Variants in SH3TC1 observed in about 807,000 individuals in gnomAD.
SH3TC1 encodes SH3 domain and tetratricopeptide repeats 1.
A neutral mutation model predicts 117.3 loss-of-function variants in SH3TC1; 135 were observed. The observed-to-expected ratio is 1.15, with a 90% confidence interval of 1.00 to 1.33. The LOEUF (loss-of-function observed/expected upper bound fraction) is 1.33. SH3TC1 is among the 40% of genes most tolerant of loss of function. SH3TC1 has a pLI of 0.00. For synonymous variants in SH3TC1, 898 were observed against 816.9 expected (o/e 1.10, Z -1.69); for missense variants, 2,092 against 1,794.3 (o/e 1.17, Z -3.00).
intron 15 of SH3TC1, chr4:8,235,851 A>T: frequency 2.6e-6 from 1 of 384,212 alleles, no homozygotes; most frequent in Non-Finnish European, 4.7e-6. Flanking sequence ...AGAGAGGCAC[A>T]GGGACACGTC....
intron 1 of SH3TC1, among the ~76,000 whole-genome samples, chr4:8,188,894 G>T (rs1194028818): frequency 6.6e-6 from 1 of 152,226 alleles, no homozygotes; most frequent in African/African-American, 2.4e-5. Context: ...GGTGTCCCAG[G>T]GGGAGGTGCA....
At chr4:8,201,851 G>C (rs1717862538) in intron 1 of SH3TC1, 1 of 152,414 alleles carries the variant, frequency 6.6e-6, no homozygotes, top group Admixed American at 6.5e-5. Flanking sequence ...GAGGTGGTGG[G>C]CTGGGAGGCA....
At chr4:8,237,354 GACTGGCCAGA>G (rs1211524044) in intron 16 of SH3TC1, 110 bp from the exon 17 acceptor site, 1 of 760,748 alleles carries the variant, frequency 1.3e-6, no homozygotes, top group Non-Finnish European at 2.0e-6. Context: ...GCTGGGAAGG[GACTGGCCAGA>G]ACTGCCCAGG....
At chr4:8,228,762 G>A in intron 12 of SH3TC1, 118 bp downstream of exon 12, 1 of 885,322 alleles carries the variant, frequency 1.1e-6, no homozygotes, top group South Asian at 1.9e-5. Flanking sequence ...CTGAGTCATG[G>A]CAAACAGCAG....
At chr4:8,224,282 A>G (rs1382365457) in intron 10 of SH3TC1, among the ~76,000 whole-genome samples, 1 of 152,196 alleles carries the variant, frequency 6.6e-6, no homozygotes, top group Non-Finnish European at 1.5e-5. Context: ...TCCCACCAGT[A>G]TTAGAGTTAA....
At chr4:8,219,641 C>T (rs1038490474) in intron 9 of SH3TC1, 111 bp downstream of exon 9, 10 of 1,188,188 alleles carry the variant, frequency 8.4e-6, no homozygotes, top group African/African-American at 4.7e-5. Flanking sequence ...TCACTGTGGA[C>T]GATGCCTAGT....
Position 8,227,279 on chromosome 4 carries a change from G to C in SH3TC1, c.1585G>C (p.Val529Leu). The change falls in exon 12 of 18, where the codon GTG becomes CTG. Residue 529 changes from valine to leucine, a missense_variant. Val to Leu is a conservative substitution (Grantham distance 32). Coordinates refer to ENST00000245105, the MANE Select transcript of SH3TC1 (RefSeq NM_018986.5). ...TGTGGCGCTGCCGTGGCTGAGCAGC[G>C]TGTTCCGCAGCTTCAGCGACGAGGA... The part of the protein sequence containing the change: ...YDVALPWLSS[V>L]FRSFSDEEEL... 12 of 1,606,134 alleles carry C rather than the reference G, an allele frequency of 7.5e-6. No individual in the cohort carries two copies. The highest frequency in any genetic ancestry group is 8.5e-6 in the Non-Finnish European group (10 of 1,176,850).
chr4:8,240,050 A>G (rs1421489985), intron 17 of SH3TC1, among the ~76,000 whole-genome samples: 1 of 152,086 alleles, frequency 6.6e-6, no homozygotes, highest in Admixed American at 6.5e-5. Context: ...TGGGTCTTAG[A>G]GAGGTCCCTT....
intron 12 of SH3TC1, among the ~76,000 whole-genome samples, 164 bp downstream of exon 12, chr4:8,228,808 C>T (rs772330641): frequency 4.6e-5 from 7 of 152,368 alleles, no homozygotes; most frequent in Admixed American, 3.3e-4. Flanking sequence ...GCAGTTCCCA[C>T]GCAGGGCCAG....
chr4:8,218,771 C>T (rs972473407), intron 8 of SH3TC1, among the ~76,000 whole-genome samples: 2 of 152,256 alleles, frequency 1.3e-5, no homozygotes, highest in East Asian at 1.9e-4. Flanking sequence ...GAATTTGCCA[C>T]GTGCACTAAC....
At position 8,222,841 on chromosome 4, in the gene SH3TC1, T is replaced by A; in HGVS notation, c.1114T>A (p.Leu372Met). Residue 372 changes from leucine to methionine, a missense_variant and splice_region_variant, in exon 10 of 18, where the codon TTG (leucine) becomes ATG (methionine). Leu to Met is a conservative substitution (Grantham distance 15). Coordinates refer to ENST00000245105, the MANE Select transcript of SH3TC1 (RefSeq NM_018986.5). ...AATAAAGCACTTTATTTTTTCCAGG[T>A]TGGAAAGTGCGATTTTTCTCAATGA... ...LISMQGPVSE[L>M]ESAIFLNEEE... 3 of 1,609,764 alleles carry A rather than the reference T, an allele frequency of 1.9e-6. No homozygotes were observed. The highest frequency in any genetic ancestry group is 2.6e-6 in the Non-Finnish European group (3 of 1,176,338).
At chr4:8,237,705 G>A (rs377102965) in intron 17 of SH3TC1, 35 bp downstream of exon 17, 58 of 1,551,480 alleles carry the variant, frequency 3.7e-5, no homozygotes, top group Non-Finnish European at 4.9e-5. Flanking sequence ...GGGTGTTCCC[G>A]GCCCCCTTGG....
At position 8,228,040 on chromosome 4, in the gene SH3TC1, G is replaced by C; in HGVS notation, c.2346G>C (p.Gln782His). Residue 782 changes from glutamine (Q) to histidine (H), a missense_variant, in exon 12 of 18, where the codon CAG becomes CAC. Gln to His is a conservative substitution (Grantham distance 24). Coordinates refer to ENST00000245105, the MANE Select transcript of SH3TC1 (RefSeq NM_018986.5). The stretch of plus-strand genomic sequence containing the variant: ...CCTCCCTGACCCCGGGCACAGGCCA[G>C]GCGCTGCGCGGCCCCCTCTACACCA... ...ALASLTPGTG[Q>H]ALRGPLYTSL... The C allele has an allele frequency of 6.2e-7, 1 of 1,606,244 alleles. No individual in the cohort carries two copies. Among genetic ancestry groups the C allele is most frequent in the Admixed American group, 1.7e-5 (1 of 59,728 alleles).
chr4:8,240,218 C>G (rs1428587149), intron 17 of SH3TC1, among the ~76,000 whole-genome samples: 1 of 152,144 alleles, frequency 6.6e-6, no homozygotes, highest in African/African-American at 2.4e-5. Flanking sequence ...CATCACACTC[C>G]GTCAATATTT....
rs377293008 is a variant in SH3TC1 at position 8,212,817 on chromosome 4, C to T, written c.364C>T (p.Arg122Cys). Residue 122 changes from arginine (R) to cysteine (C), a missense_variant, in exon 4 of 18, where the codon CGC (arginine) becomes TGC (cysteine). Physicochemically the swap from Arg to Cys is radical, Grantham distance 180. Coordinates refer to ENST00000245105, the MANE Select transcript of SH3TC1 (RefSeq NM_018986.5). ...GGAGAATGATAGCCGGGAGATGGCC[C>T]GCGTGCTTGGGGTGAGTAGCCCTCT... is the stretch of plus-strand genomic sequence containing the variant. Reference protein sequence around the residue: ...LLENDSREMARVLGELSARLL... With the variant: ...LLENDSREMACVLGELSARLL... The T allele has an allele frequency of 1.4e-5, 22 of 1,585,756 alleles. No homozygotes were observed. In the East Asian group the frequency reaches 2.5e-4, roughly 18 times the overall value.
At chr4:8,211,616 G>A (rs1421620676) in intron 3 of SH3TC1, among the ~76,000 whole-genome samples, 2 of 150,654 alleles carry the variant, frequency 1.3e-5, no homozygotes, top group African/African-American at 4.9e-5. Flanking sequence ...CCACTGCCTA[G>A]AGATCTGGGG....
rs73798670 is a variant in SH3TC1 at position 8,220,435 on chromosome 4, C to T, written c.1112+905C>T. Among the ~76,000 whole-genome samples, 162 of 152,280 alleles carry T rather than the reference C, an allele frequency of 1.1e-3. 1 individual carries two copies. The highest frequency in any genetic ancestry group is 3.6e-3 in the African/African-American group (150 of 41,570). ...TACGCCTCTTCCTATGTGATTTACA[C>T]GCCACCCATGACCTGCCTGCTCCCA... is the stretch of plus-strand genomic sequence containing the variant. On this transcript the variant is annotated intron_variant, in intron 9 of 17. Coordinates refer to ENST00000245105, the MANE Select transcript of SH3TC1 (RefSeq NM_018986.5).
chr4:8,232,272 G>T (rs999091353), intron 13 of SH3TC1, 116 bp downstream of exon 13: 3 of 1,451,366 alleles, frequency 2.1e-6, no homozygotes, highest in South Asian at 1.3e-5. Flanking sequence ...GGGATCATTT[G>T]GTTCCTTGGC....
chr4:8,236,029 G>A (rs1260278658), intron 15 of SH3TC1: 9 of 525,822 alleles, frequency 1.7e-5, no homozygotes, highest in African/African-American at 4.0e-5. Context: ...GCTCCCCCCA[G>A]TCAGACCCCT....
Sources: allele counts gnomAD v4.1 joint callset (sites outside exome capture counted in the v4.1 genomes callset), GRCh38; gene constraint gnomAD v4.1.1; transcripts MANE v1.5; gene names NCBI Gene and HGNC (gene_info 2026-07-23, HGNC 2026-07-21).